The following EPAS1 variants were observed in gnomAD, a reference collection of about 807,000 sequenced individuals.
EPAS1 encodes the protein endothelial PAS domain protein 1.
EPAS1 carries 23 observed loss-of-function variants against 87.9 expected under a neutral mutation model. The ratio of observed to expected loss-of-function variants is 0.26; its 90% confidence interval spans 0.19 to 0.37. The LOEUF (loss-of-function observed/expected upper bound fraction) is 0.37. EPAS1 is among the 10% of genes least tolerant of loss of function. The probability of loss-of-function intolerance (pLI) is 1.00; values close to 1 mark genes in which losing one functional copy is unlikely to be tolerated. For missense variants in EPAS1, 1,138 were observed against 1,120.7 expected (o/e 1.02, Z -0.22); for synonymous variants, 508 against 444.3 (o/e 1.14, Z -1.80).
At position 46,369,800 on chromosome 2, in the gene EPAS1, T is replaced by A. The variant is rs759902309; in HGVS notation, c.780-27T>A. 5.1e-6 allele frequency: 8 copies of A among 1,572,374 alleles called. No individual in the cohort carries two copies. The Admixed American group carries it at 1.4e-4, about 27-fold the overall frequency. ...GCTAAGTTAATATGGTCTTTCTTCCTTACATGCTGCCTTTTTAAAAACTCA... is the reference window on the plus strand; with the variant it reads ...GCTAAGTTAATATGGTCTTTCTTCCATACATGCTGCCTTTTTAAAAACTCA... On this transcript the variant is annotated intron_variant, in intron 6 of 15. Transcript: ENST00000263734.
intron 7 of EPAS1, among the ~76,000 whole-genome samples, chr2:46,370,157 T>G (rs6753127): frequency 1.3e-5 from 2 of 152,180 alleles, no homozygotes; most frequent in South Asian, 2.1e-4. Flanking sequence ...TCCAGGGAGA[T>G]GCACCCGTGC....
intron 9 of EPAS1, 128 bp from the exon 10 acceptor site, chr2:46,377,766 G>C (rs888542547): frequency 9.4e-5 from 140 of 1,488,486 alleles, no homozygotes; most frequent in Middle Eastern, 1.9e-4. Flanking sequence ...CAGGGTGTTG[G>C]GGGGGCCTAG....
At chr2:46,381,072 A>C in intron 12 of EPAS1, 1 of 373,310 alleles carries the variant, frequency 2.7e-6, no homozygotes, top group Non-Finnish European at 5.0e-6. Context: ...CAGCAAAAAG[A>C]TACCCCTGCC....
At chr2:46,343,026 G>C (rs188573718) in intron 1 of EPAS1, among the ~76,000 whole-genome samples, 45 of 152,184 alleles carry the variant, frequency 3.0e-4, no homozygotes, top group Admixed American at 2.6e-3. Flanking sequence ...AAAACAAAAA[G>C]AAACACCTTT....
chr2:46,353,584 A>G (rs1165221058), intron 2 of EPAS1, among the ~76,000 whole-genome samples: 1 of 152,230 alleles, frequency 6.6e-6, no homozygotes, highest in African/African-American at 2.4e-5. Context: ...ATTTGAAAGC[A>G]CTGAGTTAAG....
chr2:46,352,500 A>T (rs1262170044), intron 2 of EPAS1, among the ~76,000 whole-genome samples: 3 of 151,630 alleles, frequency 2.0e-5, no homozygotes, highest in Non-Finnish European at 4.4e-5. Context: ...CGTAACACTG[A>T]GTAGGATATT....
chr2:46,299,503 G>A (rs1444102117), intron 1 of EPAS1, among the ~76,000 whole-genome samples: 1 of 152,224 alleles, frequency 6.6e-6, no homozygotes, highest in Non-Finnish European at 1.5e-5. Context: ...AGTGCGTTTT[G>A]TAAAAACCAA....
At chr2:46,353,743 C>T (rs1196831349) in intron 2 of EPAS1, among the ~76,000 whole-genome samples, 2 of 152,218 alleles carry the variant, frequency 1.3e-5, no homozygotes, top group Non-Finnish European at 2.9e-5. Context: ...GCAGAAACCC[C>T]AAGCAGGGAT....
chr2:46,327,211 A>C (rs148144842), intron 1 of EPAS1, among the ~76,000 whole-genome samples: 1 of 152,354 alleles, frequency 6.6e-6, no homozygotes, highest in African/African-American at 2.4e-5. Context: ...TTGAATATGT[A>C]TTAAATGCCT....
intron 6 of EPAS1, among the ~76,000 whole-genome samples, chr2:46,366,343 A>G (rs1684501775): frequency 6.6e-6 from 1 of 152,348 alleles, no homozygotes; most frequent in Non-Finnish European, 1.5e-5. Flanking sequence ...CATTCATTTT[A>G]CATTTTGAAG....
At chr2:46,357,299 G>A (rs1482588714) in intron 4 of EPAS1, among the ~76,000 whole-genome samples, 1 of 152,182 alleles carries the variant, frequency 6.6e-6, no homozygotes, top group African/African-American at 2.4e-5. Context: ...TCATCTGGGG[G>A]CCAGACTAGG....
chr2:46,300,308 T>A lies in EPAS1; in HGVS notation c.26+2371T>A, dbSNP rs560338055. ...GCTGATGATTCTGCCCACTAGTTCT[T>A]ACATTTTGTGTTTCTTTGGTTTAGC... On this transcript the variant is annotated intron_variant, in intron 1 of 15. Transcript: ENST00000263734. The surrounding 1 kb of genome is among the most constrained non-coding windows in gnomAD (Gnocchi z 4.1). 8.7e-4 allele frequency among the ~76,000 whole-genome samples: 132 copies of A among 152,370 alleles called. 1 individual carries two copies. The highest frequency in any genetic ancestry group is 3.1e-3 in the African/African-American group (130 of 41,586).
chr2:46,302,831 T>A (rs1683037869), intron 1 of EPAS1, among the ~76,000 whole-genome samples: 1 of 151,722 alleles, frequency 6.6e-6, no homozygotes, highest in South Asian at 2.1e-4. Flanking sequence ...CCCAGCACTT[T>A]GAGAGGCCGA....
intron 1 of EPAS1, among the ~76,000 whole-genome samples, chr2:46,303,422 G>C (rs1439698086): frequency 1.3e-5 from 2 of 152,114 alleles, no homozygotes; most frequent in Non-Finnish European, 2.9e-5. Flanking sequence ...CATGTACTTC[G>C]ACACCATACA....
chr2:46,308,443 C>A (rs930130106), intron 1 of EPAS1, among the ~76,000 whole-genome samples: 3 of 135,892 alleles, frequency 2.2e-5, no homozygotes, highest in African/African-American at 7.9e-5. Flanking sequence ...TGCCCTAATA[C>A]CTTGCTTGCT....
At chr2:46,377,029 A>G (rs754968734) in intron 9 of EPAS1, among the ~76,000 whole-genome samples, 8 of 152,086 alleles carry the variant, frequency 5.3e-5, no homozygotes, top group Non-Finnish European at 8.8e-5. Flanking sequence ...ATTCTCCACC[A>G]TGGGTGGTGA....
intron 1 of EPAS1, among the ~76,000 whole-genome samples, chr2:46,338,120 A>G (rs1430945467): frequency 6.6e-6 from 1 of 152,214 alleles, no homozygotes; most frequent in Non-Finnish European, 1.5e-5. Flanking sequence ...TCACCCAATT[A>G]CAATCAAGAA....
At chr2:46,377,060 G>T (rs1489904299) in intron 9 of EPAS1, among the ~76,000 whole-genome samples, 1 of 152,202 alleles carries the variant, frequency 6.6e-6, no homozygotes, top group Non-Finnish European at 1.5e-5. Context: ...TGAGAGGGAG[G>T]GGAGAGGTGA....
At chr2:46,381,357 G>T (rs759943525) in intron 12 of EPAS1, 4 of 592,638 alleles carry the variant, frequency 6.7e-6, no homozygotes, top group East Asian at 3.1e-5. Context: ...ACATTGCCCA[G>T]CCAGGCAGCC....
Sources: gnomAD v4.1 joint callset for allele counts (sites outside exome capture counted in the v4.1 genomes callset) on GRCh38, gnomAD v4.1.1 for gene constraint, Gnocchi (gnomAD v3.1) non-coding constraint, MANE v1.5 for transcripts, NCBI Gene and HGNC (gene_info 2026-07-23, HGNC 2026-07-21) for gene names.